Variants in DDB1 observed in about 807,000 individuals in gnomAD.
DDB1 encodes DNA damage-binding protein 1.
Under a neutral mutation model 133.1 loss-of-function variants are expected in DDB1, and 18 were observed. The observed-to-expected ratio is 0.14, with a 90% CI of 0.09 to 0.20. DDB1 has a LOEUF of 0.20. Ranked by LOEUF, DDB1 falls within the 10% of genes least tolerant of loss-of-function variation. The pLI, the probability that DDB1 is intolerant of heterozygous loss-of-function variation, is 1.00. For missense variants in DDB1, 828 were observed against 1,459.2 expected (o/e 0.57, Z 7.05); for synonymous variants, 580 against 550.5 (o/e 1.05, Z -0.75).
chr11:61,328,618 A>C (rs1302530806), intron 4 of DDB1, among the ~76,000 whole-genome samples: 1 of 152,186 alleles, frequency 6.6e-6, no homozygotes, highest in Non-Finnish European at 1.5e-5. Flanking sequence ...CACGTCTGAA[A>C]TCTCAGCACT....
intron 21 of DDB1, among the ~76,000 whole-genome samples, chr11:61,305,339 T>C (rs1855867251): frequency 6.6e-6 from 1 of 152,128 alleles, no homozygotes; most frequent in South Asian, 2.1e-4. Context: ...AAACCCCATC[T>C]CTACTAAAAA....
intron 18 of DDB1, chr11:61,311,486 G>C: frequency 3.3e-6 from 1 of 305,724 alleles, no homozygotes. Context: ...CCGTTCTGTC[G>C]GACTCCAAAC....
intron 19 of DDB1, 84 bp downstream of exon 19, chr11:61,310,211 G>C (rs1855941690): frequency 3.3e-6 from 5 of 1,532,762 alleles, no homozygotes; most frequent in African/African-American, 1.4e-5. Context: ...TGCCACATCT[G>C]TCAGGCTTTG....
intron 3 of DDB1, 93 bp downstream of exon 3, chr11:61,329,865 G>T: frequency 1.8e-6 from 2 of 1,098,412 alleles, no homozygotes; most frequent in East Asian, 2.4e-5. Flanking sequence ...TTCTCTGATC[G>T]AATAGAGAGC....
chr11:61,300,982 A>C (rs1329036862), intron 25 of DDB1, 50 bp from the exon 26 acceptor site: 2 of 1,608,978 alleles, frequency 1.2e-6, no homozygotes, highest in East Asian at 4.5e-5. Context: ...CACCCTCCTC[A>C]GTCATCCCCA....
chr11:61,331,772 A>G (rs1175221935), intron 1 of DDB1, 81 bp from the exon 2 acceptor site: 13 of 1,561,784 alleles, frequency 8.3e-6, no homozygotes, highest in Non-Finnish European at 1.1e-5. Context: ...ACTTATGTCT[A>G]AATACCTCCA....
At chr11:61,308,918 G>A in intron 21 of DDB1, 65 bp downstream of exon 21, 2 of 1,518,166 alleles carry the variant, frequency 1.3e-6, no homozygotes, top group Non-Finnish European at 1.8e-6. Flanking sequence ...GACAACCTAA[G>A]AGAGACACAT....
At chr11:61,319,922 A>G (rs556108095) in intron 10 of DDB1, among the ~76,000 whole-genome samples, 1 of 152,310 alleles carries the variant, frequency 6.6e-6, no homozygotes, top group South Asian at 2.1e-4. Context: ...TTCCTCCTTC[A>G]GGAGTATCTT....
chr11:61,328,662 T>C (rs980011554), intron 4 of DDB1, among the ~76,000 whole-genome samples: 9 of 152,218 alleles, frequency 5.9e-5, no homozygotes, highest in African/African-American at 2.2e-4. Context: ...CATGAGGTCA[T>C]GAGTTTGAGA....
At chr11:61,317,204 C>T (rs550328403) in intron 10 of DDB1, among the ~76,000 whole-genome samples, 1 of 151,920 alleles carries the variant, frequency 6.6e-6, no homozygotes, top group Admixed American at 6.6e-5. Context: ...AGCTCCACCT[C>T]CCGGGTTCAC....
At chr11:61,324,639 C>T (rs1213304352) in intron 6 of DDB1, among the ~76,000 whole-genome samples, 1 of 152,074 alleles carries the variant, frequency 6.6e-6, no homozygotes, top group African/African-American at 2.4e-5. Context: ...CTCAAGCCAT[C>T]CTCCCAAGTG....
chr11:61,303,203 C>T (rs1437335446), intron 22 of DDB1, 48 bp from the exon 23 acceptor site: 17 of 1,554,448 alleles, frequency 1.1e-5, no homozygotes, highest in East Asian at 2.2e-5. Flanking sequence ...GCAGTTTGCA[C>T]GGAATCCAGT....
intron 10 of DDB1, chr11:61,321,375 T>C (rs1856175898): frequency 2.1e-6 from 1 of 466,068 alleles, no homozygotes; most frequent in Non-Finnish European, 3.8e-6. Context: ...TAGTCCTCTA[T>C]TCCACTACCA....
chr11:61,332,444 G>A (rs1856402467), intron 1 of DDB1: 1 of 155,228 alleles, frequency 6.4e-6, no homozygotes, highest in African/African-American at 2.4e-5. Flanking sequence ...CAGGCAAAGG[G>A]GTTAGCCTGA....
chr11:61,330,129 T>G, intron 2 of DDB1, 55 bp from the exon 3 acceptor site: 2 of 1,439,950 alleles, frequency 1.4e-6, no homozygotes, highest in Non-Finnish European at 1.9e-6. Context: ...AGGAACAACC[T>G]GTCCAGTCTT....
At chr11:61,329,235 A>C in intron 4 of DDB1, 128 bp downstream of exon 4, 2 of 879,806 alleles carry the variant, frequency 2.3e-6, no homozygotes, top group Non-Finnish European at 3.7e-6. Flanking sequence ...TGTGTTGTTC[A>C]AAACATTTCA....
At chr11:61,310,503 G>A (rs552487833) in intron 18 of DDB1, 85 bp from the exon 19 acceptor site, 3 of 1,437,464 alleles carry the variant, frequency 2.1e-6, no homozygotes, top group African/African-American at 2.9e-5. Flanking sequence ...GTCAGATCAG[G>A]ACACAAAGGC....
In DDB1 at chr11:61,311,823, A is replaced by C. The variant is rs778873432; in HGVS notation, c.2238T>G (p.Ser746Arg). Residue 746 changes from serine (S) to arginine (R), a missense_variant, in exon 18 of 27, where the codon AGT (serine) becomes AGG (arginine). Around this residue, in one of 7 missense-constraint regions of DDB1, gnomAD observed 396 missense variants for 554.1 expected, o/e 0.71. Coordinates refer to ENST00000301764, the MANE Select transcript of DDB1 (RefSeq NM_001923.5). ...TGGGCCTCAAGGCTGTCGTGCCCCC[A>C]CTCGTGTCTTGGACTTCAATGCGGC... ...LSSRIEVQDTSGGTTALRPSA... is the reference protein window; with the variant it reads ...LSSRIEVQDTRGGTTALRPSA... The C allele has an allele frequency of 1.2e-6, 2 of 1,613,734 alleles. No homozygotes were observed. The highest frequency in any genetic ancestry group is 1.7e-6 in the Non-Finnish European group (2 of 1,179,910).
intron 1 of DDB1, chr11:61,331,915 A>T (rs1469942766): frequency 1.9e-6 from 1 of 532,982 alleles, no homozygotes; most frequent in Admixed American, 3.2e-5. Context: ...AGAAAACTGG[A>T]CTGGACCTAA....
Sources: gnomAD v4.1 joint callset for allele counts (sites outside exome capture counted in the v4.1 genomes callset) on GRCh38, gnomAD v4.1.1 for gene constraint, gnomAD v4.1.1 regional missense constraint, MANE v1.5 for transcripts, NCBI Gene and HGNC (gene_info 2026-07-23, HGNC 2026-07-21) for gene names.